Variants in HECW2 observed in about 807,000 individuals in gnomAD.
HECW2 encodes HECT, C2 and WW domain containing E3 ubiquitin protein ligase 2.
Under a neutral mutation model 175.2 loss-of-function variants are expected in HECW2, and 61 were observed. That is an observed-to-expected ratio of 0.35 (90% CI 0.28 to 0.43). The LOEUF (loss-of-function observed/expected upper bound fraction) is 0.43, where lower values mean the gene tolerates loss of function less well. Among genes scored for constraint, HECW2 ranks in the 20% least tolerant of loss-of-function variants. The pLI, the probability that HECW2 is intolerant of heterozygous loss-of-function variation, is 1.00. For missense variants in HECW2, 1,524 were observed against 2,000.5 expected (o/e 0.76, Z 4.54); for synonymous variants, 671 against 731.0 (o/e 0.92, Z 1.32).
chr2:196,414,891 G>A (rs1695212172), intron 2 of HECW2, among the ~76,000 whole-genome samples: 1 of 152,146 alleles, frequency 6.6e-6, no homozygotes, highest in South Asian at 2.1e-4. Flanking sequence ...TTCAGGTGTG[G>A]GTCGGATATC....
intron 7 of HECW2, 86 bp from the exon 8 acceptor site, chr2:196,320,525 C>G: frequency 1.4e-6 from 1 of 738,242 alleles, no homozygotes; most frequent in South Asian, 1.7e-5. Flanking sequence ...CCAAATCCCT[C>G]CTATCTCTCT....
At chr2:196,277,920 T>G (rs953496931) in intron 15 of HECW2, among the ~76,000 whole-genome samples, 5 of 127,462 alleles carry the variant, frequency 3.9e-5, no homozygotes, top group African/African-American at 1.2e-4. Flanking sequence ...TAGGTGGGAA[T>G]TGAACAGTGA....
chr2:196,373,974 G>C (rs535366827), intron 2 of HECW2, among the ~76,000 whole-genome samples: 89 of 151,390 alleles, frequency 5.9e-4, no homozygotes, highest in Non-Finnish European at 8.0e-4. Context: ...GGAGCTTGCA[G>C]TGAGCCGAGA....
Position 196,318,734 on chromosome 2 carries a change from C to A in HECW2, c.2156G>T (p.Gly719Val). ...TACAGTGGCCGATTCTGCCCCTGGCCCTTCATCCTCCCCACTGGGCACCTG... is the reference window on the plus strand; with the variant it reads ...TACAGTGGCCGATTCTGCCCCTGGCACTTCATCCTCCCCACTGGGCACCTG... ...VVQVPSGEDE[G>V]PGAESATVPD... Residue 719 changes from glycine (G) to valine (V), a missense_variant, in exon 9 of 29, where the codon GGG becomes GTG. Gly to Val is a moderately radical substitution (Grantham distance 109, BLOSUM62 -3). Around this residue, in one of 11 missense-constraint regions of HECW2, gnomAD observed 604 missense variants for 588.3 expected, o/e 1.03. Transcript: ENST00000644978. 1 of 1,541,560 alleles carries A rather than the reference C, an allele frequency of 6.5e-7. No homozygotes were observed. Among genetic ancestry groups the A allele is most frequent in the Non-Finnish European group, 8.7e-7 (1 of 1,144,150 alleles).
chr2:196,325,123 C>T lies in HECW2; in HGVS notation c.598G>A (p.Gly200Arg). ...TAAGGGTCAGGATTGAAGAACATCC[C>T]TTTCTTTAGCCCAACTGCCCTAAGA... ...SDLRAVGLKK[G>R]MFFNPDPYLK... Residue 200 changes from glycine to arginine, a missense_variant, in exon 6 of 29, where the codon GGG (glycine) becomes AGG (arginine). By Grantham distance (125) the Gly-to-Arg change is moderately radical (BLOSUM62 -2). Coordinates refer to ENST00000644978, the MANE Select transcript of HECW2 (RefSeq NM_001348768.2). 6.2e-7 allele frequency: 1 copy of T among 1,604,072 alleles called. No individual in the cohort carries two copies. Among genetic ancestry groups the T allele is most frequent in the South Asian group, 1.1e-5 (1 of 89,356 alleles).
intron 1 of HECW2, among the ~76,000 whole-genome samples, chr2:196,504,901 G>A (rs183999279): frequency 1.3e-5 from 2 of 151,820 alleles, no homozygotes; most frequent in East Asian, 1.9e-4. Context: ...AAAAAAATGA[G>A]TGCAGAGAGA....
chr2:196,451,563 C>T (rs16851728), intron 1 of HECW2, among the ~76,000 whole-genome samples: 1,773 of 152,052 alleles, frequency 0.012, 41 homozygotes, highest in African/African-American at 0.041. Flanking sequence ...CAAAGAGTTA[C>T]AAGAATCACA....
intron 2 of HECW2, among the ~76,000 whole-genome samples, chr2:196,429,382 G>A (rs1357592684): frequency 6.6e-6 from 1 of 152,100 alleles, no homozygotes; most frequent in African/African-American, 2.4e-5. Context: ...TTCCTGCTAG[G>A]GATAGAAATC....
intron 1 of HECW2, among the ~76,000 whole-genome samples, chr2:196,522,110 G>A (rs1281179454): frequency 1.3e-5 from 2 of 152,176 alleles, no homozygotes; most frequent in East Asian, 3.8e-4. Flanking sequence ...CAGTGTAAAA[G>A]TGTTCCTATT....
chr2:196,206,019 C>T (rs1358547142), intron 28 of HECW2, among the ~76,000 whole-genome samples: 1 of 152,178 alleles, frequency 6.6e-6, no homozygotes, highest in East Asian at 1.9e-4. Flanking sequence ...AAATGGCAAG[C>T]AACACATAAT....
At chr2:196,419,478 T>C (rs770601402) in intron 2 of HECW2, among the ~76,000 whole-genome samples, 96 of 152,188 alleles carry the variant, frequency 6.3e-4, no homozygotes, top group Admixed American at 4.6e-4. Context: ...CCAAATATCA[T>C]CTTCTTGGTA....
At chr2:196,508,390 A>G (rs1158725306) in intron 1 of HECW2, among the ~76,000 whole-genome samples, 1 of 152,172 alleles carries the variant, frequency 6.6e-6, no homozygotes, top group East Asian at 1.9e-4. Flanking sequence ...GGAAAACAAA[A>G]CCATTAAACA....
intron 2 of HECW2, among the ~76,000 whole-genome samples, chr2:196,420,127 C>A (rs570065923): frequency 6.6e-6 from 1 of 152,108 alleles, no homozygotes; most frequent in Non-Finnish European, 1.5e-5. Flanking sequence ...AAAATAAGTA[C>A]AAAAACTCAA....
At chr2:196,560,858 C>T (rs1689977000) in intron 1 of HECW2, among the ~76,000 whole-genome samples, 1 of 152,190 alleles carries the variant, frequency 6.6e-6, no homozygotes, top group South Asian at 2.1e-4. Flanking sequence ...CTTGTCTTTA[C>T]TTTAATCTCT....
intron 1 of HECW2, among the ~76,000 whole-genome samples, chr2:196,552,823 TTCAGTGAA>T (rs1689650075): frequency 6.6e-6 from 1 of 152,216 alleles, no homozygotes; most frequent in Admixed American, 6.5e-5. Context: ...ATCTTTCCTC[TTCAGTGAA>T]TCAGGGAAAG....
intron 4 of HECW2, among the ~76,000 whole-genome samples, chr2:196,330,097 T>C (rs1692302924): frequency 1.3e-5 from 2 of 152,194 alleles, no homozygotes; most frequent in African/African-American, 4.8e-5. Context: ...TCGTCAAGTA[T>C]TTCTGAAAAT....
In HECW2 at chr2:196,542,902, T is replaced by C. The variant is rs1281470851; in HGVS notation, c.-36+50606A>G. ...TATCTATATATAGGTATATCTAATA[T>C]ATGTAATATAGATCTATAGATATAG... On this transcript the variant is annotated intron_variant, in intron 1 of 28. Coordinates refer to ENST00000644978, the MANE Select transcript of HECW2 (RefSeq NM_001348768.2). 2.7e-5 allele frequency among the ~76,000 whole-genome samples: 4 copies of C among 148,324 alleles called. No individual in the cohort carries two copies. The East Asian group carries it at 7.8e-4, about 29-fold the overall frequency.
chr2:196,433,647 C>G (rs772531297), intron 1 of HECW2, among the ~76,000 whole-genome samples, 189 bp from the exon 2 acceptor site: 7 of 152,100 alleles, frequency 4.6e-5, no homozygotes, highest in Non-Finnish European at 1.0e-4. Context: ...AGAGTCAAGT[C>G]ACATGATGGC....
chr2:196,484,268 C>T (rs1229397593), intron 1 of HECW2, among the ~76,000 whole-genome samples: 1 of 152,140 alleles, frequency 6.6e-6, no homozygotes, highest in Non-Finnish European at 1.5e-5. Flanking sequence ...CTTTTTAAAA[C>T]CTTGCTATTG....
Sources: gnomAD v4.1 joint callset for allele counts (sites outside exome capture counted in the v4.1 genomes callset) on GRCh38, gnomAD v4.1.1 for gene constraint, gnomAD v4.1.1 regional missense constraint, MANE v1.5 for transcripts, NCBI Gene and HGNC (gene_info 2026-07-23, HGNC 2026-07-21) for gene names.